Variants in PCDH9 observed in about 807,000 individuals in gnomAD.
The protein encoded by PCDH9 is protocadherin 9, also known as protocadherin-9.
A neutral mutation model predicts 70.6 loss-of-function variants in PCDH9; 24 were observed. That is an observed-to-expected ratio of 0.34 (90% confidence interval 0.25 to 0.48). The LOEUF (loss-of-function observed/expected upper bound fraction) is 0.48. Among genes scored for constraint, PCDH9 ranks in the 20% least tolerant of loss-of-function variants. PCDH9 has a pLI of 0.99. For synonymous variants in PCDH9, 562 were observed against 558.5 expected (o/e 1.01, Z -0.09); for missense variants, 1,281 against 1,503.6 (o/e 0.85, Z 2.45).
intron 2 of PCDH9, among the ~76,000 whole-genome samples, chr13:67,158,574 T>A (rs552984846): frequency 4.3e-4 from 66 of 152,312 alleles, no homozygotes; most frequent in African/African-American, 1.5e-3. Flanking sequence ...CTGTCTGCTA[T>A]TCAATTAAAA....
At chr13:66,605,652 C>G (rs990299318) in intron 4 of PCDH9, among the ~76,000 whole-genome samples, 12 of 152,140 alleles carry the variant, frequency 7.9e-5, no homozygotes, top group Non-Finnish European at 1.8e-4. Context: ...GCAGGACTGG[C>G]ACTCTGATGA....
At chr13:66,492,287 A>G (rs1030759802) in intron 4 of PCDH9, among the ~76,000 whole-genome samples, 1 of 151,896 alleles carries the variant, frequency 6.6e-6, no homozygotes, top group African/African-American at 2.4e-5. Flanking sequence ...TCCTGAGTCT[A>G]CCAGCCTTGT....
chr13:66,964,340 G>A (rs938311279), intron 2 of PCDH9, among the ~76,000 whole-genome samples: 1 of 151,426 alleles, frequency 6.6e-6, no homozygotes, highest in South Asian at 2.1e-4. Context: ...AAATCTAATG[G>A]TATTAGTAAA....
chr13:66,800,353 C>T (rs139043792), intron 3 of PCDH9, among the ~76,000 whole-genome samples: 1 of 152,192 alleles, frequency 6.6e-6, no homozygotes, highest in East Asian at 1.9e-4. Flanking sequence ...ACAATTCCTA[C>T]CTATTCAAAA....
intron 2 of PCDH9, among the ~76,000 whole-genome samples, chr13:66,947,587 G>C (rs1201837686): frequency 1.3e-5 from 2 of 152,078 alleles, no homozygotes; most frequent in African/African-American, 4.8e-5. Context: ...TGGGGGTGTG[G>C]GTAGAAAAGT....
intron 2 of PCDH9, among the ~76,000 whole-genome samples, chr13:67,158,658 C>A (rs2087874980): frequency 6.6e-6 from 1 of 152,180 alleles, no homozygotes; most frequent in Non-Finnish European, 1.5e-5. Flanking sequence ...CTTGGACAGT[C>A]CAGACTCCAG....
chr13:67,021,696 A>T (rs2084675300), intron 2 of PCDH9, among the ~76,000 whole-genome samples: 1 of 151,730 alleles, frequency 6.6e-6, no homozygotes, highest in Non-Finnish European at 1.5e-5. Context: ...AGTAGCTGGA[A>T]TTACAGGTGC....
chr13:66,915,658 G>A (rs1438283171), intron 2 of PCDH9, among the ~76,000 whole-genome samples: 2 of 151,568 alleles, frequency 1.3e-5, no homozygotes, highest in East Asian at 1.9e-4. Flanking sequence ...CTTATAAAGG[G>A]TAGGAATCTG....
At chr13:66,486,195 A>G (rs779880734) in intron 4 of PCDH9, among the ~76,000 whole-genome samples, 4 of 151,682 alleles carry the variant, frequency 2.6e-5, no homozygotes, top group Non-Finnish European at 5.9e-5. Context: ...TAATCCCAAC[A>G]TTTTGGGAGG....
At chr13:66,620,228 A>G (rs2077405244) in intron 4 of PCDH9, among the ~76,000 whole-genome samples, 1 of 152,158 alleles carries the variant, frequency 6.6e-6, no homozygotes, top group African/African-American at 2.4e-5. Flanking sequence ...GTAAGTGACA[A>G]TTCATTTACC....
chr13:66,987,071 T>C (rs1380129977), intron 2 of PCDH9, among the ~76,000 whole-genome samples: 4 of 152,044 alleles, frequency 2.6e-5, no homozygotes, highest in Non-Finnish European at 5.9e-5. Context: ...AGAGATTTGA[T>C]TTTTAATTTT....
chr13:66,389,209 A>G (rs1956979020), intron 4 of PCDH9, among the ~76,000 whole-genome samples: 2 of 152,282 alleles, frequency 1.3e-5, no homozygotes, highest in East Asian at 1.9e-4. Context: ...GTGTTTAAAA[A>G]TATCTTTATG....
chr13:66,920,350 C>T (rs1023417697), intron 2 of PCDH9, among the ~76,000 whole-genome samples: 1 of 150,966 alleles, frequency 6.6e-6, no homozygotes, highest in African/African-American at 2.4e-5. Flanking sequence ...ACCTCAGGAC[C>T]CTTATCACAA....
chr13:66,871,498 A>G (rs1436231164), intron 3 of PCDH9, among the ~76,000 whole-genome samples: 1 of 152,106 alleles, frequency 6.6e-6, no homozygotes, highest in Non-Finnish European at 1.5e-5. Context: ...GAGAAATTGA[A>G]CATAAAGCAT....
chr13:67,193,262 C>T (rs2088966279), intron 2 of PCDH9, among the ~76,000 whole-genome samples: 1 of 151,552 alleles, frequency 6.6e-6, no homozygotes, highest in African/African-American at 2.4e-5. Flanking sequence ...TAAGATCTTC[C>T]CTTTCCTTGA....
intron 4 of PCDH9, chr13:66,630,605 A>G (rs1440834379): frequency 2.0e-5 from 3 of 152,162 alleles, no homozygotes; most frequent in Non-Finnish European, 4.4e-5. Flanking sequence ...GCATAGTAGT[A>G]AAAAAACAAA....
intron 2 of PCDH9, among the ~76,000 whole-genome samples, chr13:66,946,506 A>AT (rs1452517571): frequency 1.3e-5 from 2 of 152,060 alleles, no homozygotes; most frequent in African/African-American, 4.8e-5. Flanking sequence ...CCCATCTCTA[A>AT]TTTTTTAAAA....
chr13:66,643,820 A>G (rs115674668), intron 3 of PCDH9, among the ~76,000 whole-genome samples: 57 of 152,114 alleles, frequency 3.7e-4, no homozygotes, highest in African/African-American at 1.3e-3. Context: ...AACACCAGTA[A>G]GTTCTCTTGA....
chr13:66,510,938 A>T (rs572281778), intron 4 of PCDH9, among the ~76,000 whole-genome samples: 120 of 152,326 alleles, frequency 7.9e-4, no homozygotes, highest in Non-Finnish European at 1.5e-3. Context: ...ATGCTGTTAA[A>T]GTTTAGTTAG....
Sources: allele counts gnomAD v4.1 joint callset (sites outside exome capture counted in the v4.1 genomes callset), GRCh38; gene constraint gnomAD v4.1.1; transcripts MANE v1.5; gene names NCBI Gene and HGNC (gene_info 2026-07-23, HGNC 2026-07-21).